Variants in TRAPPC11 observed in about 807,000 individuals in gnomAD.
The protein encoded by TRAPPC11 is trafficking protein particle complex subunit 11, also known as foie gras homolog.
A neutral mutation model predicts 151.2 loss-of-function variants in TRAPPC11; 104 were observed. That is an observed-to-expected ratio of 0.69 (90% CI 0.59 to 0.81). TRAPPC11 has a LOEUF of 0.81. Among genes scored for constraint, TRAPPC11 ranks in the 30% least tolerant of loss-of-function variants. TRAPPC11 has a pLI of 0.00. For missense variants in TRAPPC11, 1,230 were observed against 1,349.6 expected (o/e 0.91, Z 1.39); for synonymous variants, 456 against 472.3 (o/e 0.97, Z 0.45).
chr4:183,701,930 G>C, intron 26 of TRAPPC11, 122 bp downstream of exon 26: 1 of 698,456 alleles, frequency 1.4e-6, no homozygotes, highest in Non-Finnish European at 2.5e-6. Context: ...AAGTCATGTG[G>C]ATATGAACAC....
At chr4:183,694,364 A>G (rs1032095823) in intron 22 of TRAPPC11, among the ~76,000 whole-genome samples, 24 of 144,042 alleles carry the variant, frequency 1.7e-4, no homozygotes, top group Admixed American at 1.3e-3. Flanking sequence ...TTAAAGAACA[A>G]TAATTTCTAA....
chr4:183,665,095 T>TC (rs1561025477), intron 2 of TRAPPC11, among the ~76,000 whole-genome samples: 1 of 141,126 alleles, frequency 7.1e-6, no homozygotes, highest in East Asian at 2.0e-4. Flanking sequence ...TTCTTTCTTT[T>TC]TTTTTTTTTT....
intron 22 of TRAPPC11, 81 bp from the exon 23 acceptor site, chr4:183,694,523 G>T: frequency 1.4e-6 from 2 of 1,382,032 alleles, no homozygotes; most frequent in South Asian, 1.3e-5. Flanking sequence ...AACTCTAGAA[G>T]GTGGGAACAT....
intron 18 of TRAPPC11, among the ~76,000 whole-genome samples, chr4:183,689,967 C>G (rs1239666879): frequency 6.6e-6 from 1 of 152,006 alleles, no homozygotes; most frequent in Non-Finnish European, 1.5e-5. Context: ...CTTTGGGAGG[C>G]CAAGGTGGGC....
At chr4:183,694,242 C>T (rs561527041) in intron 22 of TRAPPC11, among the ~76,000 whole-genome samples, 1 of 152,278 alleles carries the variant, frequency 6.6e-6, no homozygotes, top group East Asian at 1.9e-4. Context: ...ATTTAGAAAA[C>T]ATGCTTAACA....
chr4:183,691,369 A>C lies in TRAPPC11; in HGVS notation c.1947A>C (p.Leu649Phe). The change falls in exon 19 of 30, where the codon TTA (leucine) becomes TTC (phenylalanine). Residue 649 changes from leucine to phenylalanine, a missense_variant. Coordinates refer to ENST00000334690, the MANE Select transcript of TRAPPC11 (RefSeq NM_021942.6). The part of the protein sequence containing the change: ...IEEASKANEV[L>F]ENLTQGKMCL... ...AAGCATCCAAAGCAAATGAAGTTTT[A>C]GAAAATCTGACTCAAGGAAAGATGT... 6.4e-7 allele frequency: 1 copy of C among 1,558,550 alleles called. No individual in the cohort carries two copies. The highest frequency in any genetic ancestry group is 1.3e-5 in the African/African-American group (1 of 74,432).
In TRAPPC11 at chr4:183,705,045, G is replaced by A. The variant is rs759323348; in HGVS notation, c.3030G>A (p.Glu1010=). Residue 1010 remains glutamate, a synonymous_variant, in exon 27 of 30, where the codon GAG becomes GAA. Transcript: ENST00000334690. ...TVITLPHVIV[E]NIPLHVNADL... ...TCACTCTGCCGCACGTGATTGTGGA[G>A]AATATCCCTCTCCATGTGAATGCAG... The A allele has an allele frequency of 1.3e-6, 2 of 1,593,592 alleles. No homozygotes were observed. Among genetic ancestry groups the A allele is most frequent in the Non-Finnish European group, 1.7e-6 (2 of 1,165,678 alleles).
At chr4:183,661,223 A>C (rs1046687199) in intron 1 of TRAPPC11, among the ~76,000 whole-genome samples, 1 of 152,022 alleles carries the variant, frequency 6.6e-6, no homozygotes. Flanking sequence ...GAGAAGACTA[A>C]TAGTCTTTCC....
chr4:183,690,449 T>C (rs1219356689), intron 18 of TRAPPC11, among the ~76,000 whole-genome samples: 2 of 152,216 alleles, frequency 1.3e-5, no homozygotes, highest in Non-Finnish European at 2.9e-5. Flanking sequence ...TGAGGATTGT[T>C]CTCTTCTGGG....
intron 10 of TRAPPC11, 111 bp downstream of exon 10, chr4:183,680,378 GTTTTTAT>G: frequency 8.2e-7 from 1 of 1,218,924 alleles, no homozygotes; most frequent in African/African-American, 1.6e-5. Context: ...AATTTAATTA[GTTTTTAT>G]TTTTTATAGC....
chr4:183,703,106 GAAC>G (rs1342894403), intron 26 of TRAPPC11, among the ~76,000 whole-genome samples: 1 of 152,124 alleles, frequency 6.6e-6, no homozygotes, highest in Non-Finnish European at 1.5e-5. Flanking sequence ...GCAAAGCATA[GAAC>G]AAGAAGGAAA....
intron 27 of TRAPPC11, among the ~76,000 whole-genome samples, chr4:183,705,506 G>A (rs1003535763): frequency 6.6e-6 from 1 of 152,020 alleles, no homozygotes; most frequent in Non-Finnish European, 1.5e-5. Flanking sequence ...AGGCAGCTAG[G>A]CTGACTACTA....
At chr4:183,701,045 C>G (rs1489352325) in intron 25 of TRAPPC11, 1 of 152,078 alleles carries the variant, frequency 6.6e-6, no homozygotes, top group African/African-American at 2.4e-5. Context: ...ACGAGATCTC[C>G]CTGTGTTGCT....
At chr4:183,662,877 T>G (rs1734629351) in intron 1 of TRAPPC11, among the ~76,000 whole-genome samples, 1 of 152,118 alleles carries the variant, frequency 6.6e-6, no homozygotes, top group African/African-American at 2.4e-5. Context: ...TTTGAGACAT[T>G]ACTGAAAATG....
At chr4:183,702,422 A>G (rs1736847011) in intron 26 of TRAPPC11, among the ~76,000 whole-genome samples, 1 of 152,160 alleles carries the variant, frequency 6.6e-6, no homozygotes, top group South Asian at 2.1e-4. Flanking sequence ...ATGCCCATCA[A>G]TAGAAAAGAG....
intron 28 of TRAPPC11, 36 bp downstream of exon 28, chr4:183,706,976 A>G: frequency 6.2e-7 from 1 of 1,603,620 alleles, no homozygotes; most frequent in Non-Finnish European, 8.5e-7. Flanking sequence ...ATGTTGACAC[A>G]AAAGTGTGCC....
chr4:183,705,530 A>G (rs1034121157), intron 27 of TRAPPC11, among the ~76,000 whole-genome samples: 10 of 151,620 alleles, frequency 6.6e-5, no homozygotes, highest in Non-Finnish European at 1.2e-4. Context: ...CCTCCCCCAT[A>G]CCATCTCTCC....
intron 2 of TRAPPC11, among the ~76,000 whole-genome samples, chr4:183,665,531 T>C (rs901629386): frequency 6.6e-6 from 1 of 152,268 alleles, no homozygotes; most frequent in Non-Finnish European, 1.5e-5. Flanking sequence ...GTCCCCATGT[T>C]ATTTTGTGTC....
chr4:183,673,966 T>G (rs1421202118), intron 5 of TRAPPC11, among the ~76,000 whole-genome samples: 1 of 152,224 alleles, frequency 6.6e-6, no homozygotes. Context: ...AGTTCTCATT[T>G]TTGGTTCTTT....
Sources: gnomAD v4.1 joint callset for allele counts (sites outside exome capture counted in the v4.1 genomes callset) on GRCh38, gnomAD v4.1.1 for gene constraint, MANE v1.5 for transcripts, NCBI Gene and HGNC (gene_info 2026-07-23, HGNC 2026-07-21) for gene names.